LPP: variants seen among roughly 807,000 people sequenced by gnomAD.
The protein encoded by LPP is lipoma-preferred partner.
In LPP, 38 loss-of-function variants were observed where a neutral mutation model predicts 60.4. The observed-to-expected ratio is 0.63, with a 90% CI of 0.49 to 0.83. The LOEUF (loss-of-function observed/expected upper bound fraction) is 0.83, where lower values mean the gene tolerates loss of function less well. Ranked by LOEUF, LPP falls within the 40% of genes least tolerant of loss-of-function variation. The pLI is 0.00. For missense variants in LPP, 902 were observed against 783.6 expected, an observed-to-expected ratio of 1.15 and a Z score of -1.80; for synonymous variants, 328 against 290.8, an observed-to-expected ratio of 1.13 and a Z score of -1.30.
At chr3:188,235,471 G>A (rs1237931778) in intron 2 of LPP, among the ~76,000 whole-genome samples, 2 of 152,102 alleles carry the variant, frequency 1.3e-5, no homozygotes, top group Non-Finnish European at 2.9e-5. Context: ...TATACATGAT[G>A]ACTTTTAAGG....
intron 2 of LPP, among the ~76,000 whole-genome samples, chr3:188,234,104 G>T (rs1871517): frequency 0.15 from 22,707 of 151,998 alleles, 2,184 homozygotes; most frequent in Non-Finnish European, 0.2. Flanking sequence ...TTAGAAACCC[G>T]TTATCTGTAC....
At chr3:188,524,965 CTT>C (rs1560519033) in intron 6 of LPP, among the ~76,000 whole-genome samples, 178 bp downstream of exon 6, 2 of 116,638 alleles carry the variant, frequency 1.7e-5, no homozygotes, top group African/African-American at 6.5e-5. Flanking sequence ...TCTCTTCTTT[CTT>C]TCTCTTTTTT....
At chr3:188,204,687 A>T (rs1183630867) in intron 1 of LPP, among the ~76,000 whole-genome samples, 3 of 152,030 alleles carry the variant, frequency 2.0e-5, no homozygotes, top group African/African-American at 7.2e-5. Context: ...AGCAGATGGG[A>T]TTTCTCTGGC....
At chr3:188,249,666 A>G (rs1026394342) in intron 2 of LPP, among the ~76,000 whole-genome samples, 1 of 151,740 alleles carries the variant, frequency 6.6e-6, no homozygotes, top group Admixed American at 6.6e-5. Flanking sequence ...TTTTTTTCTT[A>G]ACTTTTTATT....
chr3:188,291,893 G>A (rs2150051035), intron 2 of LPP, among the ~76,000 whole-genome samples: 1 of 152,192 alleles, frequency 6.6e-6, no homozygotes, highest in Admixed American at 6.5e-5. Flanking sequence ...ACTCTAGGGT[G>A]CTTTCTGCTC....
In LPP at chr3:188,874,837, T is replaced by C. The variant is rs1769057838; in HGVS notation, c.*358T>C. On this transcript the variant is annotated 3_prime_UTR_variant, in exon 12 of 12. Transcript: ENST00000617246. ...GTGTGGTATTTGCTGTCACATAGTT[T>C]TTCCTGGGTGAGTCTGCCAACTCAC... The C allele has an allele frequency of 2.0e-5, 5 of 247,024 alleles. No individual in the cohort carries two copies. The highest frequency in any genetic ancestry group is 5.1e-5 in the Admixed American group (1 of 19,482). 15.3% of individuals were successfully genotyped at this position (247,024 alleles called of 1,614,324 possible).
At chr3:188,703,438 G>A (rs1324357093) in intron 7 of LPP, among the ~76,000 whole-genome samples, 1 of 152,144 alleles carries the variant, frequency 6.6e-6, no homozygotes, top group Non-Finnish European at 1.5e-5. Context: ...CTCGAACACT[G>A]AAAGTTTTAA....
intron 2 of LPP, among the ~76,000 whole-genome samples, chr3:188,251,268 C>T (rs1317894662): frequency 1.3e-5 from 2 of 151,582 alleles, no homozygotes; most frequent in Non-Finnish European, 2.9e-5. Context: ...GTCCTTGAGA[C>T]ATGTCCCCAT....
intron 9 of LPP, among the ~76,000 whole-genome samples, chr3:188,801,482 T>G (rs1216747734): frequency 6.6e-6 from 1 of 152,218 alleles, no homozygotes; most frequent in Non-Finnish European, 1.5e-5. Flanking sequence ...AGGTATTTAT[T>G]ATTTTATTTA....
intron 2 of LPP, among the ~76,000 whole-genome samples, chr3:188,304,061 C>T (rs1750770666): frequency 6.6e-6 from 1 of 152,086 alleles, no homozygotes; most frequent in Non-Finnish European, 1.5e-5. Flanking sequence ...TGTAGGAGTA[C>T]CCCAGCCTTT....
At chr3:188,760,872 C>A (rs1732080531) in intron 9 of LPP, among the ~76,000 whole-genome samples, 1 of 152,138 alleles carries the variant, frequency 6.6e-6, no homozygotes, top group Non-Finnish European at 1.5e-5. Flanking sequence ...GCTGACTGAG[C>A]TAATCATTGT....
At chr3:188,675,265 T>G (rs7646105) in intron 7 of LPP, among the ~76,000 whole-genome samples, 64,518 of 151,974 alleles carry the variant, frequency 0.42, 14,119 homozygotes, top group East Asian at 0.77. Context: ...TACTGGGAAG[T>G]TCTCACAGAC....
In LPP at chr3:188,610,090, C is replaced by T. The variant is rs530047837; in HGVS notation, c.1113+246C>T. Among the ~76,000 whole-genome samples, 1 of 152,306 alleles carries T rather than the reference C, an allele frequency of 6.6e-6. No individual in the cohort carries two copies. Among genetic ancestry groups the T allele is most frequent in the East Asian group, 1.9e-4 (1 of 5,186 alleles). On this transcript the variant is annotated intron_variant, in intron 7 of 11. Transcript: ENST00000617246. The surrounding 1 kb of genome is among the most constrained non-coding windows in gnomAD (Gnocchi z 4.4). ...TCTCAGAGAATCATCTTCCAAAGCC[C>T]ACAGACACCATAGCATCTGAGGACA...
intron 1 of LPP, among the ~76,000 whole-genome samples, chr3:188,188,912 A>G (rs1340370424): frequency 1.3e-5 from 2 of 152,100 alleles, no homozygotes; most frequent in Admixed American, 1.3e-4. Flanking sequence ...TTCATAGATG[A>G]ACACTGATCA....
At chr3:188,395,332 C>T (rs1038967745) in intron 3 of LPP, among the ~76,000 whole-genome samples, 2 of 152,146 alleles carry the variant, frequency 1.3e-5, no homozygotes, top group Non-Finnish European at 2.9e-5. Context: ...GATCCTTCCA[C>T]CTCAGCCTCC....
intron 4 of LPP, among the ~76,000 whole-genome samples, chr3:188,439,455 T>C (rs756305944): frequency 6.6e-6 from 1 of 152,236 alleles, no homozygotes; most frequent in African/African-American, 2.4e-5. Context: ...TTTTGCTCCT[T>C]GGTAGTCTCG....
chr3:188,590,032 A>C (rs983994037), intron 6 of LPP, among the ~76,000 whole-genome samples: 1 of 152,196 alleles, frequency 6.6e-6, no homozygotes, highest in African/African-American at 2.4e-5. Flanking sequence ...CGTATACTTA[A>C]GTAACCTTTC....
At chr3:188,374,839 G>A (rs1774467402) in intron 3 of LPP, among the ~76,000 whole-genome samples, 1 of 152,068 alleles carries the variant, frequency 6.6e-6, no homozygotes. Flanking sequence ...TATTGGCTGT[G>A]GGTTTGTCAT....
chr3:188,526,584 C>T (rs111285592), intron 6 of LPP, among the ~76,000 whole-genome samples: 1,874 of 152,312 alleles, frequency 0.012, 38 homozygotes, highest in African/African-American at 0.042. Context: ...AGCCACTGTG[C>T]GTAGCTGCTG....
Sources: gnomAD v4.1 joint callset for allele counts (sites outside exome capture counted in the v4.1 genomes callset) on GRCh38, gnomAD v4.1.1 for gene constraint, Gnocchi (gnomAD v3.1) non-coding constraint, MANE v1.5 for transcripts, NCBI Gene and HGNC (gene_info 2026-07-23, HGNC 2026-07-21) for gene names.